Variants in LRBA observed in about 807,000 individuals in gnomAD.
LRBA encodes the protein LPS responsive beige-like anchor protein.
In LRBA, 176 loss-of-function variants were observed where a neutral mutation model predicts 330.0. The ratio of observed to expected loss-of-function variants is 0.53; its 90% CI spans 0.47 to 0.60. The LOEUF (loss-of-function observed/expected upper bound fraction) is 0.60, where lower values mean the gene tolerates loss of function less well. Ranked by LOEUF, LRBA falls within the 20% of genes least tolerant of loss-of-function variation. LRBA has a pLI of 0.00. For synonymous variants in LRBA, 1,230 were observed against 1,193.0 expected, an observed-to-expected ratio of 1.03 and a Z score of -0.64; for missense variants, 3,259 against 3,444.8, an observed-to-expected ratio of 0.95 and a Z score of 1.35.
chr4:150,722,649 G>A (rs775282125), intron 36 of LRBA, among the ~76,000 whole-genome samples: 8 of 151,980 alleles, frequency 5.3e-5, no homozygotes, highest in African/African-American at 1.4e-4. Context: ...GGCAGAGCAC[G>A]ATGGCAGAAT....
intron 2 of LRBA, among the ~76,000 whole-genome samples, chr4:150,967,349 A>G (rs935044163): frequency 7.2e-5 from 11 of 152,124 alleles, no homozygotes; most frequent in Admixed American, 6.6e-4. Flanking sequence ...TCCCTATACA[A>G]TCCAGTCCAG....
chr4:150,761,732 A>C (rs769864349), intron 35 of LRBA, 51 bp downstream of exon 35: 1 of 1,250,000 alleles, frequency 8.0e-7, no homozygotes, highest in Non-Finnish European at 1.1e-6. Flanking sequence ...TATAGGAAAA[A>C]CCCAAGATTT....
chr4:150,901,959 G>A (rs1302818014), intron 13 of LRBA, among the ~76,000 whole-genome samples: 1 of 152,072 alleles, frequency 6.6e-6, no homozygotes, highest in Non-Finnish European at 1.5e-5. Context: ...GCATAACACT[G>A]TATCATGGAA....
chr4:150,914,439 C>T lies in LRBA; in HGVS notation c.1015-98G>A, dbSNP rs865823865. ...TCATAAATGTTTTGTCCATTCTAAA[C>T]TGTATCTAAATAGACTAACATAATT... On this transcript the variant is annotated intron_variant, in intron 8 of 56. Transcript: ENST00000651943. 4 of 795,696 alleles carry T rather than the reference C, an allele frequency of 5.0e-6. No homozygotes were observed. In the South Asian group the frequency reaches 8.9e-5, roughly 18 times the overall value. The allele number at this position is 795,696 out of a possible 1,614,324, so 49.3% of individuals were successfully genotyped here.
At chr4:150,506,476 C>G (rs964071860) in intron 40 of LRBA, among the ~76,000 whole-genome samples, 3 of 152,146 alleles carry the variant, frequency 2.0e-5, no homozygotes, top group African/African-American at 7.2e-5. Flanking sequence ...AAGACAAAAA[C>G]CACATGATTA....
rs1459481300 is a variant in LRBA at position 150,882,505 on chromosome 4, TAAC to T, written c.2166-9753_2166-9751del. Among the ~76,000 whole-genome samples the T allele has an allele frequency of 1.3e-4, 20 of 152,262 alleles. No homozygotes were observed. In the East Asian group the frequency reaches 3.9e-3, roughly 29 times the overall value. ...GAAATAAAGAAAAGTGTAAGGGAGA[TAAC>T]AAAAATAACCCATGAAGAACAATAT... On this transcript the variant is annotated intron_variant, in intron 17 of 56. Coordinates refer to ENST00000651943, the MANE Select transcript of LRBA (RefSeq NM_001364905.1).
At chr4:150,679,486 T>A (rs988866624) in intron 37 of LRBA, 18 of 151,734 alleles carry the variant, frequency 1.2e-4, no homozygotes, top group Admixed American at 2.0e-4. Flanking sequence ...TCTGCATTGA[T>A]TTTTTTTTAT....
chr4:150,618,544 T>C (rs1218779590), intron 37 of LRBA, among the ~76,000 whole-genome samples: 1 of 152,132 alleles, frequency 6.6e-6, no homozygotes, highest in Non-Finnish European at 1.5e-5. Flanking sequence ...CCTGGAATAG[T>C]TTTTTATTTT....
Position 150,929,001 on chromosome 4 carries a change from C to T in LRBA, c.281G>A (p.Cys94Tyr). The change falls in exon 3 of 57, where the codon TGC becomes TAC. Residue 94 changes from cysteine to tyrosine, a missense_variant. Transcript: ENST00000651943. ...FIIQEGESIN[C>Y]MVDLLEKCDI... Reference sequence around the variant, plus strand: ...ACATTTTTCCAGTAGGTCCACCATGCAGTTAATACTCTCACCTTCTTGGAT... The same window carrying T: ...ACATTTTTCCAGTAGGTCCACCATGTAGTTAATACTCTCACCTTCTTGGAT... 3.1e-6 allele frequency: 5 copies of T among 1,613,498 alleles called. No individual in the cohort carries two copies. The highest frequency in any genetic ancestry group is 4.2e-6 in the Non-Finnish European group (5 of 1,179,930).
intron 40 of LRBA, among the ~76,000 whole-genome samples, chr4:150,555,453 A>T (rs536937609): frequency 2.0e-5 from 3 of 152,310 alleles, no homozygotes; most frequent in South Asian, 2.1e-4. Context: ...AAAAACAATT[A>T]TATCTTACAA....
intron 42 of LRBA, among the ~76,000 whole-genome samples, chr4:150,478,185 G>C (rs1349345782): frequency 6.6e-6 from 1 of 152,014 alleles, no homozygotes; most frequent in Admixed American, 6.6e-5. Context: ...CTACTTGGTA[G>C]TCATTCTCAA....
chr4:150,890,478 T>TA (rs1255404080), intron 17 of LRBA, among the ~76,000 whole-genome samples: 5 of 151,450 alleles, frequency 3.3e-5, no homozygotes, highest in Admixed American at 2.6e-4. Context: ...ACACTAGGAT[T>TA]AAAAAAAAGC....
At chr4:150,687,495 A>G (rs891490647) in intron 36 of LRBA, among the ~76,000 whole-genome samples, 3 of 152,162 alleles carry the variant, frequency 2.0e-5, no homozygotes, top group Admixed American at 6.5e-5. Context: ...TATAAACTAG[A>G]TAATATAACA....
At chr4:150,608,044 AAAG>A (rs1774844779) in intron 37 of LRBA, among the ~76,000 whole-genome samples, 1 of 151,916 alleles carries the variant, frequency 6.6e-6, no homozygotes, top group African/African-American at 2.4e-5. Flanking sequence ...CAGGAAGAAA[AAAG>A]AAAAGATACA....
intron 53 of LRBA, among the ~76,000 whole-genome samples, chr4:150,288,684 CAA>C (rs1748475852): frequency 6.6e-6 from 1 of 151,164 alleles, no homozygotes; most frequent in Non-Finnish European, 1.5e-5. Flanking sequence ...AAATACCATA[CAA>C]TGTTGTTTCT....
chr4:150,851,277 A>T (rs1034145920), intron 23 of LRBA, among the ~76,000 whole-genome samples: 2 of 152,230 alleles, frequency 1.3e-5, no homozygotes, highest in African/African-American at 4.8e-5. Context: ...AATGAAGAAT[A>T]AAAACAGAGA....
intron 40 of LRBA, among the ~76,000 whole-genome samples, chr4:150,522,344 G>A (rs547068881): frequency 2.6e-5 from 4 of 152,178 alleles, no homozygotes; most frequent in Non-Finnish European, 5.9e-5. Flanking sequence ...GTTGTCAAGA[G>A]TAGAATATTG....
chr4:150,328,919 T>C (rs1404226833), intron 48 of LRBA, among the ~76,000 whole-genome samples: 1 of 152,224 alleles, frequency 6.6e-6, no homozygotes, highest in Non-Finnish European at 1.5e-5. Flanking sequence ...TAATATTACA[T>C]ATAGTGTTTT....
chr4:150,855,479 A>C (rs1444583214), intron 22 of LRBA, among the ~76,000 whole-genome samples: 1 of 152,182 alleles, frequency 6.6e-6, no homozygotes, highest in African/African-American at 2.4e-5. Flanking sequence ...TTTATATTAA[A>C]GGTTTTTAGA....
Sources: allele counts gnomAD v4.1 joint callset (sites outside exome capture counted in the v4.1 genomes callset), GRCh38; gene constraint gnomAD v4.1.1; transcripts MANE v1.5; gene names NCBI Gene and HGNC (gene_info 2026-07-23, HGNC 2026-07-21).